ARMC2: variants seen among roughly 807,000 people sequenced by gnomAD.
ARMC2 encodes armadillo repeat containing 2.
ARMC2 carries 67 observed loss-of-function variants against 90.3 expected under a neutral mutation model. The observed-to-expected ratio is 0.74, with a 90% CI of 0.61 to 0.91. ARMC2 has a LOEUF of 0.91. ARMC2 is among the 40% of genes least tolerant of loss of function. ARMC2 has a pLI of 0.00. For synonymous variants in ARMC2, 393 were observed against 393.0 expected (o/e 1.00, Z 0.00); for missense variants, 920 against 1,030.9 (o/e 0.89, Z 1.47).
intron 5 of ARMC2, chr6:108,880,135 G>T: frequency 8.2e-6 from 3 of 365,874 alleles, no homozygotes; most frequent in Non-Finnish European, 1.1e-5. Flanking sequence ...CAAAAAAATG[G>T]CTACGACCCT....
intron 10 of ARMC2, 146 bp downstream of exon 10, chr6:108,912,704 AC>A (rs1333339603): frequency 1.4e-6 from 1 of 690,058 alleles, no homozygotes; most frequent in Admixed American, 2.9e-5. Context: ...GCCCACCTCC[AC>A]CCCATGAGGG....
chr6:108,964,959 A>G (rs767395221), intron 16 of ARMC2, 21 bp from the exon 17 acceptor site: 5 of 1,561,958 alleles, frequency 3.2e-6, no homozygotes, highest in Middle Eastern at 1.7e-4. Flanking sequence ...TAACTTCTCA[A>G]TTTGAATTTT....
intron 12 of ARMC2, among the ~76,000 whole-genome samples, chr6:108,949,137 A>G (rs959633368): frequency 2.0e-5 from 3 of 152,228 alleles, no homozygotes; most frequent in African/African-American, 7.2e-5. Flanking sequence ...TAAATAAGCA[A>G]TCACTTAAAA....
downstream of ARMC2, among the ~76,000 whole-genome samples, chr6:108,975,993 C>G (rs565579479): frequency 1.3e-3 from 192 of 152,284 alleles, 5 homozygotes; most frequent in South Asian, 0.04. Flanking sequence ...TGTGCAGAAG[C>G]TCTTTAGTTT....
chr6:108,941,317 A>C (rs1454044486), intron 12 of ARMC2, among the ~76,000 whole-genome samples: 1 of 152,106 alleles, frequency 6.6e-6, no homozygotes, highest in Non-Finnish European at 1.5e-5. Flanking sequence ...CATTTTTAAG[A>C]CTTTAACATA....
At chr6:108,955,252 G>T (rs1201183228) in intron 13 of ARMC2, among the ~76,000 whole-genome samples, 1 of 152,174 alleles carries the variant, frequency 6.6e-6, no homozygotes, top group African/African-American at 2.4e-5. Context: ...GGCCTATATG[G>T]TGGAGGGACA....
the ARMC2 span, among the ~76,000 whole-genome samples, chr6:108,999,616 CACTG>C: frequency 6.6e-6 from 1 of 152,118 alleles, no homozygotes; most frequent in Non-Finnish European, 1.5e-5. Flanking sequence ...AAATCCAAAA[CACTG>C]ACACCAATGC....
intron 13 of ARMC2, among the ~76,000 whole-genome samples, chr6:108,956,919 GA>G (rs1777625701): frequency 6.6e-6 from 1 of 152,240 alleles, no homozygotes; most frequent in Non-Finnish European, 1.5e-5. Flanking sequence ...TTGAACCCAG[GA>G]GGTGGAGGTT....
the ARMC2 span, among the ~76,000 whole-genome samples, chr6:109,046,189 C>G: frequency 6.6e-6 from 1 of 151,022 alleles, no homozygotes. Flanking sequence ...ACTGCAACCT[C>G]CCTGCCTGAT....
rs116776653 is a variant in ARMC2 at position 108,899,627 on chromosome 6, T to A, written c.749-67T>A. Reference sequence around the variant, plus strand: ...AATTGTAGTGATGAATAGTAAAGGCTTTTGACCATGCTTCATGACAACTCC... The same window carrying A: ...AATTGTAGTGATGAATAGTAAAGGCATTTGACCATGCTTCATGACAACTCC... On this transcript the variant is annotated intron_variant, in intron 6 of 17. Coordinates refer to ENST00000392644, the MANE Select transcript of ARMC2 (RefSeq NM_032131.6). 1,955 of 1,202,246 alleles carry A rather than the reference T, an allele frequency of 1.6e-3. 22 individuals are homozygous for A. The African/African-American group carries it at 0.027, about 17-fold the overall frequency. The allele number at this position is 1,202,246 out of a possible 1,614,324, so 74.5% of individuals were successfully genotyped here. A position where few individuals can be genotyped will look rare whatever the true frequency, so the allele number is the denominator to read the frequency against.
chr6:108,900,614 A>C (rs1772036499), intron 7 of ARMC2, among the ~76,000 whole-genome samples: 1 of 152,254 alleles, frequency 6.6e-6, no homozygotes, highest in Middle Eastern at 3.4e-3. Flanking sequence ...CCAAACAGAG[A>C]TGTGCTGCAA....
At chr6:109,048,106 A>T in the ARMC2 span, among the ~76,000 whole-genome samples, 5,280 of 76,136 alleles carry the variant, frequency 0.069, 149 homozygotes, top group African/African-American at 0.14. Context: ...AAATAAATTA[A>T]AAAAAAAAAA....
chr6:108,971,676 C>T (rs551054329), intron 17 of ARMC2, among the ~76,000 whole-genome samples: 1 of 152,094 alleles, frequency 6.6e-6, no homozygotes, highest in South Asian at 2.1e-4. Context: ...TAACCTAGCA[C>T]TTTGGGAGGC....
chr6:109,011,623 A>T, the ARMC2 span, among the ~76,000 whole-genome samples: 22 of 149,018 alleles, frequency 1.5e-4, no homozygotes, highest in African/African-American at 5.0e-4. Flanking sequence ...TATTTTTAAA[A>T]TTTTTTTTCT....
the ARMC2 span, among the ~76,000 whole-genome samples, chr6:109,031,767 G>C: frequency 1.3e-5 from 2 of 152,138 alleles, no homozygotes; most frequent in Non-Finnish European, 2.9e-5. Context: ...GAAGTATAAA[G>C]AAGTATATAG....
chr6:109,025,630 C>CT, the ARMC2 span, among the ~76,000 whole-genome samples: 1 of 150,118 alleles, frequency 6.7e-6, no homozygotes, highest in Admixed American at 6.7e-5. Flanking sequence ...AAACAGGAAA[C>CT]TATCAAAAAA....
At chr6:108,949,904 T>A (rs1270697569) in intron 12 of ARMC2, among the ~76,000 whole-genome samples, 6 of 152,116 alleles carry the variant, frequency 3.9e-5, no homozygotes, top group Admixed American at 2.6e-4. Context: ...CTCAAACTAA[T>A]CCTCTTCAAA....
intron 6 of ARMC2, among the ~76,000 whole-genome samples, chr6:108,896,787 T>C (rs992077463): frequency 6.6e-6 from 1 of 152,164 alleles, no homozygotes; most frequent in Non-Finnish European, 1.5e-5. Flanking sequence ...TCATAGAAGT[T>C]CTCTATTAAG....
In ARMC2 at chr6:108,962,023, AG is replaced by A; in HGVS notation, c.2049del (p.Lys683AsnfsTer40). On this transcript the variant is annotated frameshift_variant, in exon 15 of 18. Coordinates refer to ENST00000392644, the MANE Select transcript of ARMC2 (RefSeq NM_032131.6). LOFTEE classifies it high-confidence loss of function. ...TGGTCGCCAAATCCAGTGCTCTTAA[AG>A]CTTCTTGTCAGTAACAACATGGATG... ...KKLYIAELLL[K>X]LLVSNNMDGI... 1 of 1,609,142 alleles carries A rather than the reference AG, an allele frequency of 6.2e-7. No homozygotes were observed. Among genetic ancestry groups the A allele is most frequent in the Non-Finnish European group, 8.5e-7 (1 of 1,178,366 alleles).
Sources: allele counts gnomAD v4.1 joint callset (sites outside exome capture counted in the v4.1 genomes callset), GRCh38; gene constraint gnomAD v4.1.1; transcripts MANE v1.5; gene names NCBI Gene and HGNC (gene_info 2026-07-23, HGNC 2026-07-21).